Variants in DDX1 observed in about 807,000 individuals in gnomAD.
DDX1 encodes the protein ATP-dependent RNA helicase DDX1.
In DDX1, 28 loss-of-function variants were observed where a neutral mutation model predicts 108.7. The ratio of observed to expected loss-of-function variants is 0.26; its 90% CI spans 0.19 to 0.35. The LOEUF is 0.35. DDX1 is among the 10% of genes least tolerant of loss of function. The pLI is 1.00. For synonymous variants in DDX1, 295 were observed against 288.9 expected (o/e 1.02, Z -0.21); for missense variants, 710 against 884.5 (o/e 0.80, Z 2.50).
intron 25 of DDX1, among the ~76,000 whole-genome samples, chr2:15,630,422 A>C (rs1218215706): frequency 6.6e-6 from 1 of 152,202 alleles, no homozygotes; most frequent in Non-Finnish European, 1.5e-5. Context: ...TGAACAAGGA[A>C]TCAGAAGCCT....
At chr2:15,623,135 C>T (rs1201074583) in intron 18 of DDX1, among the ~76,000 whole-genome samples, 1 of 152,066 alleles carries the variant, frequency 6.6e-6, no homozygotes, top group Non-Finnish European at 1.5e-5. Flanking sequence ...GTATGTATTT[C>T]TGTTAATTTG....
intron 19 of DDX1, 143 bp from the exon 20 acceptor site, chr2:15,626,911 G>T: frequency 1.8e-6 from 1 of 562,902 alleles, no homozygotes; most frequent in African/African-American, 1.9e-5. Context: ...CATAAATTGT[G>T]TTAACCATGG....
chr2:15,601,217 C>T (rs555293359), intron 6 of DDX1, among the ~76,000 whole-genome samples: 1 of 152,118 alleles, frequency 6.6e-6, no homozygotes, highest in Admixed American at 6.6e-5. Context: ...TCAGCATTTA[C>T]GAGTTGAGAA....
At chr2:15,619,849 T>C (rs1665964600) in intron 16 of DDX1, among the ~76,000 whole-genome samples, 1 of 152,250 alleles carries the variant, frequency 6.6e-6, no homozygotes, top group Non-Finnish European at 1.5e-5. Context: ...TGAAAAATTG[T>C]TGTCTTCTCT....
At chr2:15,595,306 GT>G (rs1163633740) in intron 2 of DDX1, 110 bp downstream of exon 2, 23 of 1,037,758 alleles carry the variant, frequency 2.2e-5, no homozygotes, top group Non-Finnish European at 3.0e-5. Flanking sequence ...TGAAAATCAG[GT>G]TTTTTTTGTG....
chr2:15,623,321 A>G (rs1238049772), intron 18 of DDX1, 115 bp from the exon 19 acceptor site: 1 of 896,806 alleles, frequency 1.1e-6, no homozygotes, highest in African/African-American at 1.7e-5. Flanking sequence ...TTTTATTAAA[A>G]CAAGTATTCT....
chr2:15,629,943 C>G (rs1407751261), intron 24 of DDX1, 47 bp from the exon 25 acceptor site: 2 of 1,526,672 alleles, frequency 1.3e-6, no homozygotes, highest in Admixed American at 2.1e-5. Flanking sequence ...AAATGCAACT[C>G]TTTCTAAATG....
chr2:15,604,532 T>C (rs765734097), intron 10 of DDX1, 23 bp downstream of exon 10: 9 of 1,434,654 alleles, frequency 6.3e-6, no homozygotes, highest in East Asian at 2.3e-5. Flanking sequence ...TGGATCTTAG[T>C]AGTGAAAAGA....
chr2:15,603,818 T>A lies in DDX1; in HGVS notation c.480T>A (p.Thr160=). The change falls in exon 9 of 26, where the codon ACT becomes ACA. Residue 160 remains threonine (T), a synonymous_variant. Transcript: ENST00000233084. ...STMQASLDLG[T]DKFGFGFGGT... Reference sequence around the variant, plus strand: ...TAAAATATTTTTTAAATCTAGGTACTGACAAGTTTGGATTTGGCTTTGGTG... The same window carrying A: ...TAAAATATTTTTTAAATCTAGGTACAGACAAGTTTGGATTTGGCTTTGGTG... The A allele has an allele frequency of 6.2e-7, 1 of 1,604,870 alleles. No homozygotes were observed. Among genetic ancestry groups the A allele is most frequent in the African/African-American group, 1.3e-5 (1 of 74,744 alleles).
At chr2:15,594,095 GA>G (rs1382756053) in intron 1 of DDX1, among the ~76,000 whole-genome samples, 1 of 150,810 alleles carries the variant, frequency 6.6e-6, no homozygotes, top group African/African-American at 2.4e-5. Context: ...CAAAAGAAAA[GA>G]AAAAAAAGAA....
intron 2 of DDX1, 101 bp downstream of exon 2, chr2:15,595,297 G>A: frequency 9.1e-7 from 1 of 1,101,698 alleles, no homozygotes; most frequent in South Asian, 1.5e-5. Flanking sequence ...TTGGGTAAGT[G>A]AAAATCAGGT....
At chr2:15,627,886 A>G (rs72780880) in intron 20 of DDX1, among the ~76,000 whole-genome samples, 31,617 of 152,114 alleles carry the variant, frequency 0.21, 3,829 homozygotes, top group Admixed American at 0.28. Context: ...TTTCTGGACC[A>G]TAAGTCAGTA....
intron 1 of DDX1, among the ~76,000 whole-genome samples, chr2:15,592,659 CT>C (rs1430398263): frequency 6.6e-6 from 1 of 152,042 alleles, no homozygotes; most frequent in Non-Finnish European, 1.5e-5. Flanking sequence ...TCGCCTCTTG[CT>C]TTATCATCCT....
In DDX1 at chr2:15,613,833, A is replaced by T. The variant is rs1030049448; in HGVS notation, c.1017+549A>T. On this transcript the variant is annotated intron_variant, in intron 14 of 25. Transcript: ENST00000233084. ...CCACTGTTGGAGAAGAAGTTTAGGA[A>T]TTTTTTTTTTTTTTTTTTTTGAGAA... Among the ~76,000 whole-genome samples the T allele has an allele frequency of 3.4e-4, 45 of 133,394 alleles. 1 individual carries two copies. The highest frequency in any genetic ancestry group is 1.3e-3 in the Admixed American group (17 of 12,912). The allele number at this position is 133,394 out of a possible 152,430, so 87.5% of individuals were successfully genotyped here.
At chr2:15,604,354 C>A in intron 9 of DDX1, 83 bp from the exon 10 acceptor site, 4 of 877,712 alleles carry the variant, frequency 4.6e-6, no homozygotes, top group Non-Finnish European at 7.3e-6. Context: ...TATTTTGAAA[C>A]ACATACTTTT....
chr2:15,593,141 C>T (rs13386728), intron 1 of DDX1, among the ~76,000 whole-genome samples: 2,391 of 152,156 alleles, frequency 0.016, 60 homozygotes, highest in African/African-American at 0.05. Context: ...AGGCTGGTCT[C>T]GAACTCCTGA....
In DDX1 at chr2:15,606,182, G is replaced by C. The variant is rs774850505; in HGVS notation, c.735G>C (p.Glu245Asp). The change falls in exon 12 of 26, where the codon GAG (glutamate) becomes GAC (aspartate). Residue 245 changes from glutamate to aspartate, a missense_variant. Transcript: ENST00000233084. ...AACTGAAATTTAACTTCGGTGAAGA[G>C]GAATTTAAGTTTCCACCAAAAGATG... ...NAELKFNFGE[E>D]EFKFPPKDGF... The C allele has an allele frequency of 1.5e-5, 25 of 1,613,880 alleles. No individual in the cohort carries two copies. Among genetic ancestry groups the C allele is most frequent in the Non-Finnish European group, 2.1e-5 (25 of 1,179,946 alleles).
At chr2:15,613,400 G>A (rs1322928436) in intron 14 of DDX1, 116 bp downstream of exon 14, 1 of 592,910 alleles carries the variant, frequency 1.7e-6, no homozygotes, top group Non-Finnish European at 2.9e-6. Context: ...AAGGTCAGAG[G>A]AGTATGTTTG....
At position 15,615,059 on chromosome 2, in the gene DDX1, G is replaced by A. The variant is rs564187237; in HGVS notation, c.1017+1775G>A. Among the ~76,000 whole-genome samples, 94 of 152,220 alleles carry A rather than the reference G, an allele frequency of 6.2e-4. 1 individual carries two copies. The highest frequency in any genetic ancestry group is 1.9e-3 in the African/African-American group (80 of 41,532). ...ATTCAATTCTACTCTACTTCTTAGG[G>A]GATCTAATATGATCTTTATCTGTTC... is the stretch of plus-strand genomic sequence containing the variant. On this transcript the variant is annotated intron_variant, in intron 14 of 25. Transcript: ENST00000233084.
Sources: gnomAD v4.1 joint callset for allele counts (sites outside exome capture counted in the v4.1 genomes callset) on GRCh38, gnomAD v4.1.1 for gene constraint, MANE v1.5 for transcripts, NCBI Gene and HGNC (gene_info 2026-07-23, HGNC 2026-07-21) for gene names.